Variants in MBP observed in about 807,000 individuals in gnomAD.
The protein encoded by MBP is myelin basic protein.
In MBP, 16 loss-of-function variants were observed where a neutral mutation model predicts 35.8. That is an observed-to-expected ratio of 0.45 (90% CI 0.30 to 0.68). The LOEUF (loss-of-function observed/expected upper bound fraction) is 0.68, where lower values mean the gene tolerates loss of function less well. Ranked by LOEUF, MBP falls within the 30% of genes least tolerant of loss-of-function variation. MBP has a pLI of 0.08. For synonymous variants in MBP, 143 were observed against 159.6 expected (o/e 0.90, Z 0.78); for missense variants, 380 against 404.7 (o/e 0.94, Z 0.52).
Position 77,017,121 on chromosome 18 carries a change from G to T in MBP, c.287C>A (p.Ser96Tyr). Residue 96 changes from serine (S) to tyrosine (Y), a missense_variant, in exon 4 of 9, where the codon TCC becomes TAC. Coordinates refer to ENST00000355994, the MANE Select transcript of MBP (RefSeq NM_001025101.2). ...GSRPHLIRLFSRDAPGREDNT... is the reference protein window; with the variant it reads ...GSRPHLIRLFYRDAPGREDNT... ...GTCCTCCCTCCCCGGGGCATCTCGG[G>T]AAAAGAGGCGGATCAAGTGGGGGCG... 1 of 1,585,192 alleles carries T rather than the reference G, an allele frequency of 6.3e-7. No individual in the cohort carries two copies. Among genetic ancestry groups the T allele is most frequent in the Non-Finnish European group, 8.6e-7 (1 of 1,161,984 alleles).
chr18:77,036,679 G>A (rs1972781408), intron 3 of MBP, among the ~76,000 whole-genome samples: 2 of 149,754 alleles, frequency 1.3e-5, no homozygotes, highest in Non-Finnish European at 3.0e-5. Context: ...TCACGTTTCA[G>A]AGGACTGAGC....
chr18:77,064,773 T>TC (rs1267413088), intron 3 of MBP, among the ~76,000 whole-genome samples: 1 of 152,250 alleles, frequency 6.6e-6, no homozygotes, highest in Non-Finnish European at 1.5e-5. Context: ...CCTGTTTGCC[T>TC]TGAATGTTGT....
intron 2 of MBP, among the ~76,000 whole-genome samples, chr18:77,098,755 G>A (rs992583998): frequency 5.9e-5 from 9 of 152,256 alleles, no homozygotes; most frequent in East Asian, 1.9e-4. Context: ...AGAGTGGGAC[G>A]TGGGGCTGGA....
intron 2 of MBP, chr18:77,093,243 G>T (rs942129535): frequency 1.3e-5 from 2 of 152,266 alleles, no homozygotes; most frequent in African/African-American, 4.8e-5. Context: ...AGGCTCATAC[G>T]GCGGTCCCAG....
chr18:77,013,648 G>A (rs142303597), intron 4 of MBP: 1 of 985,404 alleles, frequency 1.0e-6, no homozygotes, highest in Non-Finnish European at 1.2e-6. Flanking sequence ...ACACTGAGAA[G>A]AGCAGGTTAT....
chr18:77,042,449 T>C (rs553718123), intron 3 of MBP, among the ~76,000 whole-genome samples: 1 of 152,328 alleles, frequency 6.6e-6, no homozygotes, highest in East Asian at 1.9e-4. Context: ...TTGCATGATT[T>C]TGTAAATATC....
intron 3 of MBP, among the ~76,000 whole-genome samples, chr18:77,029,376 G>A (rs1209369737): frequency 7.7e-5 from 11 of 143,764 alleles, no homozygotes; most frequent in South Asian, 2.3e-4. Flanking sequence ...GTCCAGCTTC[G>A]GCTCGGCATC....
At position 76,987,669 on chromosome 18, in the gene MBP, G is replaced by T. The variant is rs114175437; in HGVS notation, c.750+826C>A. 1.8e-3 allele frequency: 1,826 copies of T among 990,512 alleles called. 24 individuals are homozygous for T. In the African/African-American group the frequency reaches 0.029, roughly 16 times the overall value. The allele number at this position is 990,512 out of a possible 1,614,324, so 61.4% of individuals were successfully genotyped here. A position where few individuals can be genotyped will look rare whatever the true frequency, so the allele number is the denominator to read the frequency against. On this transcript the variant is annotated intron_variant, in intron 7 of 8. Coordinates refer to ENST00000355994, the MANE Select transcript of MBP (RefSeq NM_001025101.2). ...TGTTCTAGCGTATGAGAGCATTGCA[G>T]TTTCGGAGACAGACACAACCTATCT...
chr18:77,106,221 G>A (rs931087780), intron 1 of MBP, among the ~76,000 whole-genome samples: 1 of 152,116 alleles, frequency 6.6e-6, no homozygotes, highest in Admixed American at 6.6e-5. Context: ...CGGGGAGAGA[G>A]GACTCTCCAA....
chr18:77,027,897 C>T (rs904114493), intron 3 of MBP, among the ~76,000 whole-genome samples: 1 of 152,160 alleles, frequency 6.6e-6, no homozygotes, highest in Non-Finnish European at 1.5e-5. Flanking sequence ...CTGTGTTGCT[C>T]AGGGTTGTCT....
In MBP at chr18:77,022,107, C is replaced by T. The variant is rs145833564; in HGVS notation, c.140-4839G>A. On this transcript the variant is annotated intron_variant, in intron 3 of 8. Coordinates refer to ENST00000355994, the MANE Select transcript of MBP (RefSeq NM_001025101.2). ...TGCTTCTGATTTTTTTAATCAAAAT[C>T]ATCTGGGTTGAGAAACTGCCCTGTA... is the stretch of plus-strand genomic sequence containing the variant. 5.5e-3 allele frequency among the ~76,000 whole-genome samples: 836 copies of T among 152,326 alleles called. 11 individuals carry two copies. The highest frequency in any genetic ancestry group is 0.019 in the African/African-American group (775 of 41,562).
chr18:77,021,337 C>A (rs948434751), intron 3 of MBP, among the ~76,000 whole-genome samples: 1 of 152,208 alleles, frequency 6.6e-6, no homozygotes, highest in Non-Finnish European at 1.5e-5. Context: ...CCAGGTTCAG[C>A]AATTCTTGTA....
chr18:76,993,729 A>G (rs1332511950), intron 4 of MBP, among the ~76,000 whole-genome samples: 1 of 152,160 alleles, frequency 6.6e-6, no homozygotes, highest in South Asian at 2.1e-4. Flanking sequence ...TACTCTTCAC[A>G]GAAGGCCACT....
At position 77,048,420 on chromosome 18, in the gene MBP, T is replaced by C. The variant is rs151041748; in HGVS notation, c.139+17878A>G. On this transcript the variant is annotated intron_variant, in intron 3 of 8. Transcript: ENST00000355994. Reference sequence around the variant, plus strand: ...ATAGACCACTGTGCGAGGCCTTCTATTGGCATCTGACTTTATGCGTCCCTA... The same window carrying C: ...ATAGACCACTGTGCGAGGCCTTCTACTGGCATCTGACTTTATGCGTCCCTA... Among the ~76,000 whole-genome samples, 321 of 152,364 alleles carry C rather than the reference T, an allele frequency of 2.1e-3. 1 individual carries two copies. Among genetic ancestry groups the C allele is most frequent in the African/African-American group, 6.9e-3 (287 of 41,584 alleles).
At chr18:77,077,554 C>T (rs1313859286) in intron 2 of MBP, among the ~76,000 whole-genome samples, 1 of 152,140 alleles carries the variant, frequency 6.6e-6, no homozygotes, top group African/African-American at 2.4e-5. Flanking sequence ...AAAGAAAAGA[C>T]ACAGCATAGC....
At chr18:77,051,432 G>A (rs974557293) in intron 3 of MBP, among the ~76,000 whole-genome samples, 3 of 152,150 alleles carry the variant, frequency 2.0e-5, no homozygotes, top group Non-Finnish European at 2.9e-5. Context: ...TGAATTAACC[G>A]TTCAACAGTT....
At chr18:77,026,173 G>T (rs1370914596) in intron 3 of MBP, among the ~76,000 whole-genome samples, 1 of 152,248 alleles carries the variant, frequency 6.6e-6, no homozygotes, top group Non-Finnish European at 1.5e-5. Context: ...GTGCCTGCAG[G>T]CCGCTGTCTG....
At chr18:77,073,607 A>G (rs1230172878) in intron 2 of MBP, among the ~76,000 whole-genome samples, 6 of 152,350 alleles carry the variant, frequency 3.9e-5, no homozygotes, top group Non-Finnish European at 5.9e-5. Context: ...GGGAGACACT[A>G]TATCTCCCAA....
chr18:77,034,268 C>T (rs570381359), intron 3 of MBP, among the ~76,000 whole-genome samples: 1 of 152,070 alleles, frequency 6.6e-6, no homozygotes, highest in African/African-American at 2.4e-5. Flanking sequence ...CCTGCCACCA[C>T]TAGCAAGGAT....
Sources: allele counts gnomAD v4.1 joint callset (sites outside exome capture counted in the v4.1 genomes callset), GRCh38; gene constraint gnomAD v4.1.1; transcripts MANE v1.5; gene names NCBI Gene and HGNC (gene_info 2026-07-23, HGNC 2026-07-21).